Variants in TIMMDC1 observed in about 807,000 individuals in gnomAD.
The protein encoded by TIMMDC1 is translocase of inner mitochondrial membrane domain containing 1, also known as complex I assembly factor TIMMDC1, mitochondrial.
A neutral mutation model predicts 32.6 loss-of-function variants in TIMMDC1; 25 were observed. That is an observed-to-expected ratio of 0.77 (90% CI 0.56 to 1.07). The LOEUF (loss-of-function observed/expected upper bound fraction) is 1.07, where lower values mean the gene tolerates loss of function less well. Among genes scored for constraint, TIMMDC1 ranks in the 50% least tolerant of loss-of-function variants. The pLI is 0.00. For missense variants in TIMMDC1, 329 were observed against 349.2 expected, an observed-to-expected ratio of 0.94 and a Z score of 0.46; for synonymous variants, 130 against 127.6, an observed-to-expected ratio of 1.02 and a Z score of -0.13.
chr3:119,509,926 C>T (rs550115275), intron 4 of TIMMDC1, among the ~76,000 whole-genome samples: 7 of 152,032 alleles, frequency 4.6e-5, no homozygotes, highest in African/African-American at 1.4e-4. Context: ...CCTCGTGATC[C>T]GCCCGCCTCG....
intron 3 of TIMMDC1, 143 bp from the exon 4 acceptor site, chr3:119,503,811 A>G (rs1304033551): frequency 2.5e-6 from 2 of 799,462 alleles, no homozygotes; most frequent in Non-Finnish European, 4.0e-6. Context: ...CATGTCTGGA[A>G]CACATTGAAG....
chr3:119,499,852 C>T (rs1180327751), intron 1 of TIMMDC1, among the ~76,000 whole-genome samples: 1 of 152,208 alleles, frequency 6.6e-6, no homozygotes, highest in East Asian at 1.9e-4. Context: ...AGTAACAAAT[C>T]GAATTAAATA....
At chr3:119,507,727 T>A (rs1027071573) in intron 4 of TIMMDC1, among the ~76,000 whole-genome samples, 9 of 152,204 alleles carry the variant, frequency 5.9e-5, no homozygotes, top group African/African-American at 1.9e-4. Flanking sequence ...ATTTTTTTTC[T>A]TGATAGCTGG....
At chr3:119,500,455 G>T (rs1560044575) in intron 1 of TIMMDC1, 2 of 403,240 alleles carry the variant, frequency 5.0e-6, no homozygotes, top group South Asian at 5.4e-5. Context: ...CTCCCCTTGT[G>T]CCTTTTCCGG....
Position 119,498,631 on chromosome 3 carries a change from A to G in TIMMDC1, c.-103A>G, listed in dbSNP as rs1465369153. ...TCTGGCAGAGGGTTAACCTGGGTCA[A>G]ATGCACGGATTCTCACCTCGTACAG... is the stretch of plus-strand genomic sequence containing the variant. On this transcript the variant is annotated 5_prime_UTR_variant, in exon 1 of 7. Coordinates refer to ENST00000494664, the MANE Select transcript of TIMMDC1 (RefSeq NM_016589.4). The G allele has an allele frequency of 4.2e-6, 5 of 1,188,174 alleles. No homozygotes were observed. In the East Asian group the frequency reaches 1.2e-4, roughly 28 times the overall value. 73.6% of individuals were successfully genotyped at this position (1,188,174 alleles called of 1,614,324 possible).
At chr3:119,506,185 T>C (rs1577097145) in intron 4 of TIMMDC1, among the ~76,000 whole-genome samples, 1 of 152,378 alleles carries the variant, frequency 6.6e-6, no homozygotes, top group Middle Eastern at 3.4e-3. Flanking sequence ...TACCCACTTT[T>C]ACTTCCTTAC....
chr3:119,499,068 C>G, intron 1 of TIMMDC1, 141 bp downstream of exon 1: 2 of 655,874 alleles, frequency 3.0e-6, no homozygotes, highest in Non-Finnish European at 5.2e-6. Flanking sequence ...ATATTTGTAA[C>G]CCAAGCTTGT....
chr3:119,512,888 G>A (rs771112952), intron 4 of TIMMDC1, among the ~76,000 whole-genome samples: 9 of 152,128 alleles, frequency 5.9e-5, no homozygotes, highest in Non-Finnish European at 1.2e-4. Context: ...TTACAGGCGT[G>A]CACCACAATA....
Position 119,523,589 on chromosome 3 carries a change from T to C in TIMMDC1, c.708-17T>C. 1.3e-6 allele frequency: 2 copies of C among 1,578,390 alleles called. No homozygotes were observed. The highest frequency in any genetic ancestry group is 2.2e-5 in the East Asian group (1 of 44,574). On this transcript the variant is annotated splice_polypyrimidine_tract_variant and intron_variant, in intron 6 of 6. Transcript: ENST00000494664. ...AAATGGAGCAGTATTTGATTTATCCTTTTTATCTGATTACAGGAAAGGCAG... is the reference window on the plus strand; with the variant it reads ...AAATGGAGCAGTATTTGATTTATCCCTTTTATCTGATTACAGGAAAGGCAG...
chr3:119,503,896 G>T, intron 3 of TIMMDC1, 58 bp from the exon 4 acceptor site: 2 of 1,420,450 alleles, frequency 1.4e-6, no homozygotes, highest in Non-Finnish European at 2.0e-6. Context: ...TAACACTCAA[G>T]AAGGTAAATG....
chr3:119,506,200 T>A (rs1227852310), intron 4 of TIMMDC1, among the ~76,000 whole-genome samples: 1 of 152,246 alleles, frequency 6.6e-6, no homozygotes, highest in Non-Finnish European at 1.5e-5. Flanking sequence ...CCTTACTTGC[T>A]CCTGCTGTTA....
chr3:119,512,494 G>T (rs897759138), intron 4 of TIMMDC1, among the ~76,000 whole-genome samples: 3 of 151,986 alleles, frequency 2.0e-5, no homozygotes, highest in Non-Finnish European at 4.4e-5. Flanking sequence ...GGCCAGGCTG[G>T]TCTTGAATTC....
chr3:119,505,262 ATTCG>A (rs1460471559), intron 4 of TIMMDC1, among the ~76,000 whole-genome samples: 4 of 152,308 alleles, frequency 2.6e-5, no homozygotes, highest in African/African-American at 7.2e-5. Flanking sequence ...TAAAATGAGC[ATTCG>A]TTTCAGAAAG....
rs527878196 is a variant in TIMMDC1 at position 119,509,773 on chromosome 3, C to T, written c.518-3868C>T. 2.0e-5 allele frequency among the ~76,000 whole-genome samples: 3 copies of T among 151,724 alleles called. No individual in the cohort carries two copies. In the South Asian group the frequency reaches 6.3e-4, roughly 32 times the overall value. On this transcript the variant is annotated intron_variant, in intron 4 of 6. Transcript: ENST00000494664. Reference sequence around the variant, plus strand: ...CGATCTCGGCTCGCTGCAACCTCCACCTTCCGGGTTCAAGGGATTCTCCTG... The same window carrying T: ...CGATCTCGGCTCGCTGCAACCTCCATCTTCCGGGTTCAAGGGATTCTCCTG...
In TIMMDC1 at chr3:119,504,016, C is replaced by G; in HGVS notation, c.512C>G (p.Ala171Gly). 1 of 1,610,140 alleles carries G rather than the reference C, an allele frequency of 6.2e-7. No homozygotes were observed. Among genetic ancestry groups the G allele is most frequent in the Non-Finnish European group, 8.5e-7 (1 of 1,176,618 alleles). Residue 171 changes from alanine (A) to glycine (G), a missense_variant, in exon 4 of 7, where the codon GCA (alanine) becomes GGA (glycine). Physicochemically the swap from Ala to Gly is moderately conservative, Grantham distance 60. Transcript: ENST00000494664. ...NKDALSHFVIAGAVTGSLFRI... is the reference protein window; with the variant it reads ...NKDALSHFVIGGAVTGSLFRI... ...GATGCCTTAAGCCATTTTGTAATTG[C>G]AGGAGGTAAGACATTTTTGTTTATA...
intron 6 of TIMMDC1, among the ~76,000 whole-genome samples, chr3:119,519,723 A>C (rs892625979): frequency 1.2e-4 from 19 of 152,218 alleles, no homozygotes; most frequent in African/African-American, 4.6e-4. Flanking sequence ...GAAAATCAAC[A>C]AAGAAATATC....
At chr3:119,522,804 T>TTGGGTGTGTG (rs1553780709) in intron 6 of TIMMDC1, among the ~76,000 whole-genome samples, 3 of 148,650 alleles carry the variant, frequency 2.0e-5, no homozygotes, top group Admixed American at 6.8e-5. Context: ...GTATGGGTGT[T>TTGGGTGTGTG]TGTGTGTGTG....
intron 6 of TIMMDC1, 53 bp downstream of exon 6, chr3:119,517,368 T>G (rs143051406): frequency 1.7e-6 from 2 of 1,171,560 alleles, no homozygotes; most frequent in Non-Finnish European, 1.3e-6. Flanking sequence ...CCAGGCCTTA[T>G]ATAGTGGTGC....
chr3:119,518,431 A>G (rs559364813), intron 6 of TIMMDC1, among the ~76,000 whole-genome samples: 1 of 152,068 alleles, frequency 6.6e-6, no homozygotes, highest in East Asian at 1.9e-4. Context: ...GGAAATTCTT[A>G]AGAGCTGTAG....
Sources: allele counts gnomAD v4.1 joint callset (sites outside exome capture counted in the v4.1 genomes callset), GRCh38; gene constraint gnomAD v4.1.1; transcripts MANE v1.5; gene names NCBI Gene and HGNC (gene_info 2026-07-23, HGNC 2026-07-21).